The following PRKN variants were observed in gnomAD, a reference collection of about 807,000 sequenced individuals.
The protein encoded by PRKN is parkin RBR E3 ubiquitin protein ligase.
A neutral mutation model predicts 59.5 loss-of-function variants in PRKN; 56 were observed. The ratio of observed to expected loss-of-function variants is 0.94; its 90% confidence interval spans 0.76 to 1.18. PRKN has a LOEUF of 1.18. PRKN is among the 50% of genes most tolerant of loss of function. PRKN has a pLI of 0.00. For missense variants in PRKN, 657 were observed against 596.4 expected, an observed-to-expected ratio of 1.10 and a Z score of -1.06; for synonymous variants, 250 against 222.1, an observed-to-expected ratio of 1.13 and a Z score of -1.12.
chr6:161,780,735 C>T (rs1790168763), intron 7 of PRKN, among the ~76,000 whole-genome samples: 1 of 151,996 alleles, frequency 6.6e-6, no homozygotes, highest in African/African-American at 2.4e-5. Flanking sequence ...AAAATAGGCT[C>T]CGAGACAGAA....
At chr6:161,766,392 C>T (rs891190582) in intron 7 of PRKN, among the ~76,000 whole-genome samples, 2 of 149,784 alleles carry the variant, frequency 1.3e-5, no homozygotes, top group African/African-American at 4.9e-5. Context: ...ACTGCAACCT[C>T]CACCTCCCGG....
chr6:162,673,952 C>T (rs2849537), intron 1 of PRKN, among the ~76,000 whole-genome samples: 97,679 of 152,016 alleles, frequency 0.64, 32,444 homozygotes, highest in African/African-American at 0.81. Context: ...CTGGAGAAAT[C>T]AATGACTTTT....
At chr6:161,943,844 G>A (rs952862051) in intron 6 of PRKN, among the ~76,000 whole-genome samples, 2 of 131,640 alleles carry the variant, frequency 1.5e-5, no homozygotes, top group Non-Finnish European at 3.3e-5. Flanking sequence ...ATCAGCCTGA[G>A]GGATCAGCCT....
At chr6:162,253,415 T>C (rs1229252274) in intron 3 of PRKN, among the ~76,000 whole-genome samples, 1 of 152,184 alleles carries the variant, frequency 6.6e-6, no homozygotes, top group African/African-American at 2.4e-5. Context: ...ATAACATTTC[T>C]TCTTGGCATG....
intron 4 of PRKN, among the ~76,000 whole-genome samples, chr6:162,055,199 A>G (rs937092103): frequency 6.6e-6 from 1 of 152,166 alleles, no homozygotes; most frequent in African/African-American, 2.4e-5. Flanking sequence ...AATCAAAAGC[A>G]AAAGGCAGAT....
At chr6:161,696,125 T>C (rs1786013016) in intron 7 of PRKN, among the ~76,000 whole-genome samples, 1 of 152,222 alleles carries the variant, frequency 6.6e-6, no homozygotes, top group Admixed American at 6.5e-5. Context: ...GAGAAGATAT[T>C]AAATAGCTAG....
chr6:162,056,090 C>T lies in PRKN; in HGVS notation c.535-1916G>A, dbSNP rs374915056. On this transcript the variant is annotated intron_variant, in intron 4 of 11. Transcript: ENST00000366898. This position sits in a 1 kb window ranked among gnomAD's most constrained non-coding sequence, Gnocchi z 4.9. ...ACACGTGCACACACATCCCACACAC[C>T]TCACACACCCCACACACATATACCC... 4.0e-5 allele frequency among the ~76,000 whole-genome samples: 6 copies of T among 150,930 alleles called. No homozygotes were observed. The East Asian group carries it at 1.2e-3, about 30-fold the overall frequency.
chr6:162,626,591 G>T (rs1317585199), intron 1 of PRKN, among the ~76,000 whole-genome samples: 2 of 152,142 alleles, frequency 1.3e-5, no homozygotes, highest in African/African-American at 4.8e-5. Flanking sequence ...GCGGAGGGTG[G>T]ATCACTTGAG....
chr6:162,414,429 C>T (rs1346514590), intron 2 of PRKN, among the ~76,000 whole-genome samples: 3 of 151,402 alleles, frequency 2.0e-5, no homozygotes, highest in Non-Finnish European at 2.9e-5. Flanking sequence ...GTGAATCTGC[C>T]GGGCGTGGTG....
intron 5 of PRKN, among the ~76,000 whole-genome samples, chr6:161,985,155 G>A (rs911028775): frequency 1.3e-5 from 2 of 152,096 alleles, no homozygotes; most frequent in Admixed American, 6.5e-5. Context: ...TTTATAAATC[G>A]AGCATATCTC....
rs998388438 is a variant in PRKN at position 161,385,709 on chromosome 6, G to A, written c.1167+1085C>T. On this transcript the variant is annotated intron_variant, in intron 10 of 11. Coordinates refer to ENST00000366898, the MANE Select transcript of PRKN (RefSeq NM_004562.3). The surrounding 1 kb of genome is among the most constrained non-coding windows in gnomAD (Gnocchi z 4.9). The stretch of plus-strand genomic sequence containing the variant: ...CAGGTATACCCGCCTCCATTACAGC[G>A]GTCCTGAGGCAGGGGTCTCTGGGCC... Among the ~76,000 whole-genome samples the A allele has an allele frequency of 1.3e-5, 2 of 152,128 alleles. No individual in the cohort carries two copies. The highest frequency in any genetic ancestry group is 2.4e-5 in the African/African-American group (1 of 41,412).
chr6:161,893,367 T>G lies in PRKN; in HGVS notation c.734+79935A>C, dbSNP rs1223512855. On this transcript the variant is annotated intron_variant, in intron 6 of 11. Transcript: ENST00000366898. ...GCACAGAATTGAGGAGGGCTGGTTA[T>G]CTGTTCACACGCCATGAAGTTGAGT... 8.1e-4 allele frequency among the ~76,000 whole-genome samples: 124 copies of G among 152,190 alleles called. 1 individual carries two copies. The highest frequency in any genetic ancestry group is 8.0e-3 in the Admixed American group (122 of 15,288).
At chr6:162,006,126 T>C (rs1348624835) in intron 5 of PRKN, among the ~76,000 whole-genome samples, 1 of 152,146 alleles carries the variant, frequency 6.6e-6, no homozygotes, top group African/African-American at 2.4e-5. Context: ...ATGTGTGTGA[T>C]TTTATTTTGT....
At chr6:162,563,440 A>G (rs1213495770) in intron 1 of PRKN, among the ~76,000 whole-genome samples, 2 of 152,250 alleles carry the variant, frequency 1.3e-5, no homozygotes, top group South Asian at 2.1e-4. Context: ...TGAGTCTGCA[A>G]GAACCACAGC....
intron 1 of PRKN, among the ~76,000 whole-genome samples, chr6:162,588,215 T>C (rs892030200): frequency 6.6e-6 from 1 of 151,994 alleles, no homozygotes; most frequent in Non-Finnish European, 1.5e-5. Flanking sequence ...TTCACCATGT[T>C]GGCCAGGCTG....
intron 6 of PRKN, among the ~76,000 whole-genome samples, chr6:161,802,612 G>A (rs1791135577): frequency 6.6e-6 from 1 of 152,058 alleles, no homozygotes; most frequent in Admixed American, 6.5e-5. Flanking sequence ...CTCTTCCAAT[G>A]TCTCCTTTGC....
At chr6:162,480,692 C>G (rs73606401) in intron 1 of PRKN, among the ~76,000 whole-genome samples, 1,712 of 152,072 alleles carry the variant, frequency 0.011, 29 homozygotes, top group African/African-American at 0.038. Flanking sequence ...CTGACTCTAG[C>G]AAATCATAAA....
intron 6 of PRKN, among the ~76,000 whole-genome samples, chr6:161,809,161 T>G (rs564311317): frequency 6.6e-6 from 1 of 152,202 alleles, no homozygotes; most frequent in Non-Finnish European, 1.5e-5. Context: ...CATTTAACTT[T>G]AAAGTTGAAA....
intron 9 of PRKN, among the ~76,000 whole-genome samples, chr6:161,427,724 G>A (rs1788446524): frequency 6.6e-6 from 1 of 152,148 alleles, no homozygotes; most frequent in African/African-American, 2.4e-5. Context: ...GAGGTTGGAA[G>A]TATTCAAATA....
Sources: gnomAD v4.1 joint callset for allele counts (sites outside exome capture counted in the v4.1 genomes callset) on GRCh38, gnomAD v4.1.1 for gene constraint, Gnocchi (gnomAD v3.1) non-coding constraint, MANE v1.5 for transcripts, NCBI Gene and HGNC (gene_info 2026-07-23, HGNC 2026-07-21) for gene names.